Variants in SYNE2 observed in about 807,000 individuals in gnomAD.
SYNE2 encodes the protein spectrin repeat containing nuclear envelope protein 2.
A neutral mutation model predicts 856.3 loss-of-function variants in SYNE2; 431 were observed. The ratio of observed to expected loss-of-function variants is 0.50; its 90% CI spans 0.47 to 0.55. SYNE2 has a LOEUF of 0.55. Among genes scored for constraint, SYNE2 ranks in the 20% least tolerant of loss-of-function variants. The pLI, the probability that SYNE2 is intolerant of heterozygous loss-of-function variation, is 0.00. For synonymous variants in SYNE2, 2,923 were observed against 2,872.3 expected (o/e 1.02, Z -0.56); for missense variants, 8,129 against 8,023.2 (o/e 1.01, Z -0.50).
chr14:63,958,050 C>CA (rs925412304), intron 8 of SYNE2, among the ~76,000 whole-genome samples: 15 of 149,906 alleles, frequency 1.0e-4, no homozygotes, highest in South Asian at 2.1e-4. Flanking sequence ...TCAAAAAAAA[C>CA]AAAAAAAAAG....
At chr14:64,010,237 C>G in intron 32 of SYNE2, 121 bp downstream of exon 32, 1 of 1,078,912 alleles carries the variant, frequency 9.3e-7, no homozygotes, top group Non-Finnish European at 1.4e-6. Context: ...ACTAGTGACC[C>G]TATTTTACCA....
chr14:64,211,596 C>G (rs1484936117), intron 103 of SYNE2, among the ~76,000 whole-genome samples: 1 of 152,258 alleles, frequency 6.6e-6, no homozygotes, highest in African/African-American at 2.4e-5. Context: ...AAGGCCTGGC[C>G]TGGCCCCTCA....
chr14:64,120,593 G>A (rs971003503), intron 67 of SYNE2, among the ~76,000 whole-genome samples: 21 of 151,616 alleles, frequency 1.4e-4, no homozygotes, highest in African/African-American at 2.9e-4. Context: ...GTGAAACCCC[G>A]TCTCCACTAA....
At chr14:64,096,147 A>G (rs895823769) in intron 61 of SYNE2, among the ~76,000 whole-genome samples, 4 of 152,202 alleles carry the variant, frequency 2.6e-5, no homozygotes, top group Non-Finnish European at 5.9e-5. Flanking sequence ...GTTCTTTATA[A>G]GTTACCCAGT....
Position 64,098,155 on chromosome 14 carries a change from G to T in SYNE2, c.12306+9G>T, listed in dbSNP as rs748012642. 1 of 1,613,604 alleles carries T rather than the reference G, an allele frequency of 6.2e-7. No individual in the cohort carries two copies. Among genetic ancestry groups the T allele is most frequent in the Non-Finnish European group, 8.5e-7 (1 of 1,179,838 alleles). On this transcript the variant is annotated intron_variant, in intron 62 of 115. Transcript: ENST00000555002. ...ATGCTTCTGAGCGGAAGGTGGGTAT[G>T]ACTTTAGGTTAATGCTGGCCCCACA...
rs1309742751 is a variant in SYNE2, at chr14:64,120,953, A to G, written c.13050A>G (p.Ser4350=). The change falls in exon 68 of 116, where the codon TCA becomes TCG. Residue 4350 remains serine (S), a synonymous_variant. Coordinates refer to ENST00000555002, the MANE Select transcript of SYNE2 (RefSeq NM_182914.3). ...DQHPTILKKS[S]EPEHQEALQP... ...ATCCTACCATTCTAAAGAAATCCTC[A>G]GAGCCAGAGCATCAAGAAGCTCTCC... 1 of 1,614,180 alleles carries G rather than the reference A, an allele frequency of 6.2e-7. No individual in the cohort carries two copies. Among genetic ancestry groups the G allele is most frequent in the East Asian group, 2.2e-5 (1 of 44,894 alleles).
At chr14:63,798,356 C>T (rs976317076) in intron 1 of SYNE2, among the ~76,000 whole-genome samples, 4 of 151,588 alleles carry the variant, frequency 2.6e-5, no homozygotes, top group African/African-American at 9.7e-5. Context: ...AGCTTTCTTG[C>T]ATACGTCTTA....
At chr14:64,140,275 A>G (rs934884741) in intron 80 of SYNE2, among the ~76,000 whole-genome samples, 8 of 152,230 alleles carry the variant, frequency 5.3e-5, no homozygotes, top group Admixed American at 5.2e-4. Flanking sequence ...AATTGACCCC[A>G]TAAAATATAT....
chr14:64,119,295 G>A, intron 66 of SYNE2, 132 bp from the exon 67 acceptor site: 1 of 1,209,112 alleles, frequency 8.3e-7, no homozygotes, highest in Non-Finnish European at 1.2e-6. Flanking sequence ...GTTTTTCCAG[G>A]GTTTCTTCCA....
intron 11 of SYNE2, among the ~76,000 whole-genome samples, chr14:63,969,936 A>G (rs2096452928): frequency 6.6e-6 from 1 of 152,140 alleles, no homozygotes; most frequent in Admixed American, 6.5e-5. Flanking sequence ...GTACATGCTT[A>G]TGATTACTTT....
At chr14:64,218,286 C>T (rs924045073) in intron 108 of SYNE2, 112 bp from the exon 109 acceptor site, 45 of 980,850 alleles carry the variant, frequency 4.6e-5, no homozygotes, top group Non-Finnish European at 6.1e-5. Flanking sequence ...AGATACCCTT[C>T]AAAGGAAAGG....
chr14:63,965,275 T>A (rs917683412), intron 10 of SYNE2, among the ~76,000 whole-genome samples: 1 of 152,168 alleles, frequency 6.6e-6, no homozygotes, highest in Non-Finnish European at 1.5e-5. Context: ...GTTGAACATT[T>A]TCTATGTAGC....
intron 1 of SYNE2, among the ~76,000 whole-genome samples, chr14:63,844,607 T>A (rs1890172527): frequency 6.6e-6 from 1 of 152,236 alleles, no homozygotes; most frequent in Non-Finnish European, 1.5e-5. Context: ...ACTTGGAATT[T>A]TTTTTTACAT....
At chr14:64,174,314 T>TG (rs1312420738) in intron 94 of SYNE2, among the ~76,000 whole-genome samples, 1 of 152,168 alleles carries the variant, frequency 6.6e-6, no homozygotes, top group African/African-American at 2.4e-5. Flanking sequence ...TCAACTGATC[T>TG]GCCTGTCTTG....
At chr14:63,942,473 C>T (rs2095934815) in intron 6 of SYNE2, among the ~76,000 whole-genome samples, 1 of 152,052 alleles carries the variant, frequency 6.6e-6, no homozygotes, top group Non-Finnish European at 1.5e-5. Flanking sequence ...TGCGCGCCAC[C>T]ATGCCTGGCT....
rs531491697 is a variant in SYNE2, at chr14:64,194,364, C to T, written c.18038+4127C>T. 2.0e-5 allele frequency among the ~76,000 whole-genome samples: 3 copies of T among 152,090 alleles called. No individual in the cohort carries two copies. The South Asian group carries it at 6.2e-4, about 32-fold the overall frequency. ...CTGGAATACAGTGGCACAGTCACAG[C>T]TCACTGCAGCCTCTACCTTTCAGGC... On this transcript the variant is annotated intron_variant, in intron 99 of 115. Transcript: ENST00000555002.
At chr14:64,200,698 T>C (rs2098558034) in intron 99 of SYNE2, among the ~76,000 whole-genome samples, 1 of 152,258 alleles carries the variant, frequency 6.6e-6, no homozygotes, top group South Asian at 2.1e-4. Context: ...TTGGAAAACA[T>C]GGCTCCTTGA....
At chr14:63,836,217 T>A (rs1889856008) in intron 1 of SYNE2, among the ~76,000 whole-genome samples, 1 of 151,880 alleles carries the variant, frequency 6.6e-6, no homozygotes, top group Non-Finnish European at 1.5e-5. Flanking sequence ...AGAGATGGGG[T>A]TTCACCATGT....
chr14:64,108,819 G>T (rs1297074756), intron 65 of SYNE2, among the ~76,000 whole-genome samples: 1 of 152,058 alleles, frequency 6.6e-6, no homozygotes, highest in African/African-American at 2.4e-5. Flanking sequence ...CAGTGGCAAT[G>T]CTTAGGTCTA....
Sources: gnomAD v4.1 joint callset for allele counts (sites outside exome capture counted in the v4.1 genomes callset) on GRCh38, gnomAD v4.1.1 for gene constraint, MANE v1.5 for transcripts, NCBI Gene and HGNC (gene_info 2026-07-23, HGNC 2026-07-21) for gene names.